The following SLC6A4 variants were observed in gnomAD, a reference collection of about 807,000 sequenced individuals.
SLC6A4 encodes the protein solute carrier family 6 member 4.
In SLC6A4, 22 loss-of-function variants were observed where a neutral mutation model predicts 73.4. The observed-to-expected ratio is 0.30, with a 90% CI of 0.21 to 0.43. SLC6A4 has a LOEUF of 0.43. Among genes scored for constraint, SLC6A4 ranks in the 20% least tolerant of loss-of-function variants. SLC6A4 has a pLI of 1.00. For synonymous variants in SLC6A4, 270 were observed against 315.5 expected, an observed-to-expected ratio of 0.86 and a Z score of 1.53; for missense variants, 593 against 808.5, an observed-to-expected ratio of 0.73 and a Z score of 3.23.
rs56063452 is a variant in SLC6A4 at position 30,222,229 on chromosome 17, A to C, written c.-123-148T>G. On this transcript the variant is annotated intron_variant, in intron 2 of 14. Transcript: ENST00000650711. ...TGAGACATCCTATTTGCTACATGGC[A>C]GTCCATAAATTCAACTAAATTTCTC... 1.2e-3 allele frequency: 632 copies of C among 543,592 alleles called. 4 individuals carry two copies. Among genetic ancestry groups the C allele is most frequent in the African/African-American group, 0.011 (572 of 52,800 alleles). The allele number at this position is 543,592 out of a possible 1,614,324, so 33.7% of individuals were successfully genotyped here.
chr17:30,201,691 T>C (rs1212658534), intron 14 of SLC6A4, among the ~76,000 whole-genome samples: 1 of 151,500 alleles, frequency 6.6e-6, no homozygotes, highest in Non-Finnish European at 1.5e-5. Flanking sequence ...TTAGGGGGAG[T>C]GCGGTCATGA....
intron 5 of SLC6A4, 38 bp downstream of exon 5, chr17:30,218,080 G>GAAGCCAAA: frequency 6.4e-7 from 1 of 1,551,104 alleles, no homozygotes; most frequent in Non-Finnish European, 8.9e-7. Context: ...GGTGTGGCCT[G>GAAGCCAAA]CCCCTAACAG....
intron 3 of SLC6A4, among the ~76,000 whole-genome samples, chr17:30,220,665 G>A (rs571663921): frequency 6.6e-6 from 1 of 152,324 alleles, no homozygotes; most frequent in Admixed American, 6.5e-5. Flanking sequence ...AGGATCAGAA[G>A]CATCTGGGAC....
intron 1 of SLC6A4, among the ~76,000 whole-genome samples, chr17:30,232,476 T>C (rs561095113): frequency 2.0e-5 from 3 of 152,330 alleles, no homozygotes; most frequent in African/African-American, 7.2e-5. Context: ...CATCACTGGG[T>C]TGCGTCTCTC....
intron 1 of SLC6A4, among the ~76,000 whole-genome samples, chr17:30,228,377 AC>A (rs1235057612): frequency 6.6e-6 from 1 of 152,216 alleles, no homozygotes; most frequent in East Asian, 1.9e-4. Flanking sequence ...AGTTGATGTC[AC>A]TATCACCACC....
rs145183821 is a variant in SLC6A4 at position 30,221,794 on chromosome 17, C to T, written c.165G>A (p.Ala55=). ...NGYSAVPSPG[A]GDDTRHSIPA... Reference sequence around the variant, plus strand: ...GGATAGAGTGCCGTGTGTCATCTCCCGCACCAGGACTTGGAACTGCTGAGT... The same window carrying T: ...GGATAGAGTGCCGTGTGTCATCTCCTGCACCAGGACTTGGAACTGCTGAGT... The change falls in exon 3 of 15, where the codon GCG becomes GCA. Residue 55 remains alanine, a synonymous_variant. Transcript: ENST00000650711. The T allele has an allele frequency of 7.1e-5, 115 of 1,614,156 alleles. No homozygotes were observed. Among genetic ancestry groups the T allele is most frequent in the East Asian group, 3.6e-4 (16 of 44,884 alleles).
Position 30,218,780 on chromosome 17 carries a change from C to A in SLC6A4, c.478+17G>T. On this transcript the variant is annotated intron_variant, in intron 4 of 14. Transcript: ENST00000650711. ...TGAGAGGCTCCACTTACCCACCCCACCGAGCCCTTCAGTTACCTTTGAAAA... is the reference window on the plus strand; with the variant it reads ...TGAGAGGCTCCACTTACCCACCCCAACGAGCCCTTCAGTTACCTTTGAAAA... 1.2e-6 allele frequency: 2 copies of A among 1,613,802 alleles called. No individual in the cohort carries two copies. Among genetic ancestry groups the A allele is most frequent in the Non-Finnish European group, 1.7e-6 (2 of 1,179,800 alleles).
chr17:30,204,104 C>G (rs1906117717), intron 13 of SLC6A4, among the ~76,000 whole-genome samples: 1 of 152,214 alleles, frequency 6.6e-6, no homozygotes, highest in Admixed American at 6.5e-5. Flanking sequence ...GAATTTTGAC[C>G]AAGAAAAATT....
intron 12 of SLC6A4, among the ~76,000 whole-genome samples, chr17:30,208,738 C>T (rs954279562): frequency 6.6e-6 from 1 of 152,236 alleles, no homozygotes; most frequent in African/African-American, 2.4e-5. Flanking sequence ...GTTGTCCAGA[C>T]TGGAGTGCAG....
intron 13 of SLC6A4, among the ~76,000 whole-genome samples, chr17:30,204,090 G>GTGAGAA (rs1906117297): frequency 6.6e-6 from 1 of 152,248 alleles, no homozygotes; most frequent in African/African-American, 2.4e-5. Context: ...TGAACACTCT[G>GTGAGAA]TGAGAATTTT....
intron 14 of SLC6A4, 116 bp downstream of exon 14, chr17:30,203,056 A>G: frequency 2.5e-6 from 2 of 803,356 alleles, no homozygotes; most frequent in Middle Eastern, 2.8e-4. Flanking sequence ...ATACATATAT[A>G]GGGTTGCATG....
At chr17:30,233,982 T>C (rs1449953731) in intron 1 of SLC6A4, among the ~76,000 whole-genome samples, 2 of 152,164 alleles carry the variant, frequency 1.3e-5, no homozygotes, top group African/African-American at 4.8e-5. Context: ...AAGCACCTGC[T>C]GTAAGAAACA....
rs1241539400 is a variant in SLC6A4, at chr17:30,215,006, T to TTCTTTCTTCTTTC, written c.1076+604_1076+605insGAAAGAAGAAAGA. On this transcript the variant is annotated intron_variant, in intron 8 of 14. Coordinates refer to ENST00000650711, the MANE Select transcript of SLC6A4 (RefSeq NM_001045.6). ...CTTTTTCTTTCCTTCCTTCCTTTCT[T>TTCTTTCTTCTTTC]TCTTTCTTTCTTTCTTTTTTCTTTC... Among the ~76,000 whole-genome samples, 770 of 149,084 alleles carry TTCTTTCTTCTTTC rather than the reference T, an allele frequency of 5.2e-3. 6 individuals are homozygous for TTCTTTCTTCTTTC. Among genetic ancestry groups the TTCTTTCTTCTTTC allele is most frequent in the East Asian group, 0.017 (89 of 5,100 alleles).
Position 30,196,364 on chromosome 17 carries a change from ATTTT to A in SLC6A4, c.*2088_*2091del, listed in dbSNP as rs748194758. 1.4e-5 allele frequency: 2 copies of A among 146,008 alleles called. No homozygotes were observed. Among genetic ancestry groups the A allele is most frequent in the Non-Finnish European group, 3.0e-5 (2 of 65,990 alleles). The allele number at this position is 146,008 out of a possible 1,614,324, so 9.0% of individuals were successfully genotyped here. A position where few individuals can be genotyped will look rare whatever the true frequency, so the allele number is the denominator to read the frequency against. ...TATGCGGAACAGACAGAGATTTTCGATTTTTTTTTTTTAGTTTAATAAAGTTTGA... is the reference window on the plus strand; with the variant it reads ...TATGCGGAACAGACAGAGATTTTCGATTTTTTTTAGTTTAATAAAGTTTGA... On this transcript the variant is annotated 3_prime_UTR_variant, in exon 15 of 15. Transcript: ENST00000650711.
chr17:30,210,474 C>T lies in SLC6A4; in HGVS notation c.1449+41G>A, dbSNP rs199990228. The T allele has an allele frequency of 7.2e-5, 115 of 1,599,538 alleles. No individual in the cohort carries two copies. In the East Asian group the frequency reaches 1.4e-3, roughly 19 times the overall value. On this transcript the variant is annotated intron_variant, in intron 11 of 14. Transcript: ENST00000650711. The stretch of plus-strand genomic sequence containing the variant: ...CAGCTTCCTGTAGCGTTCTGCTGCC[C>T]TAGGGGAGGCCAACTCAAAGCTGAG...
At chr17:30,214,144 T>C (rs1166131131) in intron 8 of SLC6A4, among the ~76,000 whole-genome samples, 2 of 152,106 alleles carry the variant, frequency 1.3e-5, no homozygotes, top group Non-Finnish European at 2.9e-5. Context: ...GCATTTTGGC[T>C]GGGCACAGTG....
chr17:30,213,307 T>TC (rs1906447294), intron 8 of SLC6A4, among the ~76,000 whole-genome samples: 2 of 148,264 alleles, frequency 1.3e-5, no homozygotes, highest in Non-Finnish European at 3.0e-5. Context: ...TTTTTCTTTT[T>TC]TTTTTTTTTT....
intron 2 of SLC6A4, 35 bp from the exon 3 acceptor site, chr17:30,222,116 G>C (rs1410870483): frequency 7.0e-7 from 1 of 1,435,762 alleles, no homozygotes; most frequent in African/African-American, 1.4e-5. Context: ...GGAGAAAAAA[G>C]TTAGACATTT....
chr17:30,217,130 G>A, intron 6 of SLC6A4, 36 bp downstream of exon 6: 2 of 1,600,860 alleles, frequency 1.2e-6, no homozygotes, highest in Non-Finnish European at 1.7e-6. Flanking sequence ...GTGGGCCCCT[G>A]GGCAGGCCTG....
Sources: allele counts gnomAD v4.1 joint callset (sites outside exome capture counted in the v4.1 genomes callset), GRCh38; gene constraint gnomAD v4.1.1; transcripts MANE v1.5; gene names NCBI Gene and HGNC (gene_info 2026-07-23, HGNC 2026-07-21).